The following STOX2 variants were observed in gnomAD, a reference collection of about 807,000 sequenced individuals.
STOX2 encodes the protein storkhead-box protein 2.
STOX2 carries 28 observed loss-of-function variants against 60.9 expected under a neutral mutation model. The ratio of observed to expected loss-of-function variants is 0.46; its 90% CI spans 0.34 to 0.63. STOX2 has a LOEUF of 0.63. Ranked by LOEUF, STOX2 falls within the 30% of genes least tolerant of loss-of-function variation. The probability of loss-of-function intolerance (pLI) is 0.01; values close to 1 mark genes in which losing one functional copy is unlikely to be tolerated. For synonymous variants in STOX2, 472 were observed against 463.9 expected, an observed-to-expected ratio of 1.02 and a Z score of -0.22; for missense variants, 1,024 against 1,187.7, an observed-to-expected ratio of 0.86 and a Z score of 2.03.
At chr4:183,924,060 C>G (rs545753723) in intron 1 of STOX2, among the ~76,000 whole-genome samples, 1 of 152,292 alleles carries the variant, frequency 6.6e-6, no homozygotes, top group African/African-American at 2.4e-5. Context: ...ATTTTCAAAG[C>G]TCTCGAGGTG....
chr4:183,991,939 C>A (rs898473456), intron 1 of STOX2, among the ~76,000 whole-genome samples: 1 of 152,176 alleles, frequency 6.6e-6, no homozygotes, highest in African/African-American at 2.4e-5. Flanking sequence ...GAACTGGGCT[C>A]TGAACCTAAA....
intron 1 of STOX2, among the ~76,000 whole-genome samples, chr4:183,893,660 T>C (rs1042474622): frequency 6.6e-6 from 1 of 152,190 alleles, no homozygotes; most frequent in Non-Finnish European, 1.5e-5. Flanking sequence ...ACATATAAAA[T>C]ACACTATTAT....
chr4:183,815,942 T>C (rs1190823008), intron 1 of STOX2, among the ~76,000 whole-genome samples: 3 of 152,242 alleles, frequency 2.0e-5, no homozygotes, highest in Non-Finnish European at 2.9e-5. Flanking sequence ...TGACATGAAA[T>C]GATAAAAAAT....
intron 1 of STOX2, among the ~76,000 whole-genome samples, chr4:183,847,056 C>G (rs1336583996): frequency 6.6e-6 from 1 of 152,200 alleles, no homozygotes; most frequent in Non-Finnish European, 1.5e-5. Context: ...CCTCAAACAT[C>G]TGGAACAAAA....
chr4:183,940,641 T>C (rs1271712007), intron 1 of STOX2, among the ~76,000 whole-genome samples: 1 of 152,210 alleles, frequency 6.6e-6, no homozygotes, highest in East Asian at 1.9e-4. Flanking sequence ...GCCAAGTTGA[T>C]TGATCACTTG....
At chr4:183,828,544 A>G (rs6552710) in intron 1 of STOX2, among the ~76,000 whole-genome samples, 11,239 of 152,188 alleles carry the variant, frequency 0.074, 1,338 homozygotes, top group African/African-American at 0.25. Context: ...GGGGAGGTGC[A>G]TTGAATGATG....
Position 183,801,635 on chromosome 4 carries a change from C to T in STOX2, c.364+3580C>T, listed in dbSNP as rs922144784. Among the ~76,000 whole-genome samples the T allele has an allele frequency of 5.9e-5, 9 of 152,086 alleles. No homozygotes were observed. In the East Asian group the frequency reaches 7.8e-4, roughly 13 times the overall value. ...TGTGCAGATGGAGATGGGGGTGGGG[C>T]GGGAGTTCCTGCAGAGCAGGAGAAC... On this transcript the variant is annotated intron_variant, in intron 1 of 2. Transcript: ENST00000513034.
Position 183,806,630 on chromosome 4 carries a change from G to A in STOX2, c.364+8575G>A, listed in dbSNP as rs1468734720. ...TGTGACAGCATTTCCTTCTGTCTCA[G>A]CCTCTGCCAGCGCTGTGTCAGGTGC... On this transcript the variant is annotated intron_variant, in intron 1 of 2. Coordinates refer to the STOX2 transcript ENST00000513034. The surrounding 1 kb of genome is among the most constrained non-coding windows in gnomAD (Gnocchi z 4.1). 6.6e-6 allele frequency among the ~76,000 whole-genome samples: 1 copy of A among 152,180 alleles called. No homozygotes were observed. Among genetic ancestry groups the A allele is most frequent in the Non-Finnish European group, 1.5e-5 (1 of 68,036 alleles).
chr4:183,863,370 C>T (rs1372637636), intron 1 of STOX2, among the ~76,000 whole-genome samples: 1 of 152,194 alleles, frequency 6.6e-6, no homozygotes, highest in Non-Finnish European at 1.5e-5. Context: ...GCTGAGAGAG[C>T]TGCTATAGAG....
At chr4:183,959,536 G>T (rs149168825) in intron 1 of STOX2, among the ~76,000 whole-genome samples, 1 of 152,122 alleles carries the variant, frequency 6.6e-6, no homozygotes, top group Non-Finnish European at 1.5e-5. Flanking sequence ...TCAGGTTTGC[G>T]GGCATGCTTT....
chr4:183,996,191 C>G (rs767093533), intron 1 of STOX2, among the ~76,000 whole-genome samples: 7 of 152,192 alleles, frequency 4.6e-5, no homozygotes, highest in Non-Finnish European at 8.8e-5. Context: ...CAAAAGTCCT[C>G]TGAGGACTGT....
chr4:183,997,414 C>A (rs1224627939), intron 1 of STOX2, among the ~76,000 whole-genome samples: 1 of 152,206 alleles, frequency 6.6e-6, no homozygotes, highest in Non-Finnish European at 1.5e-5. Context: ...CAGGCTCAGG[C>A]CACGTGGGCC....
At chr4:183,828,258 G>C (rs551946596) in intron 1 of STOX2, among the ~76,000 whole-genome samples, 2 of 152,214 alleles carry the variant, frequency 1.3e-5, no homozygotes, top group Non-Finnish European at 2.9e-5. Flanking sequence ...GAAACTGGCA[G>C]AGGGTGTTGG....
At chr4:183,971,164 C>A (rs1290830911) in intron 1 of STOX2, among the ~76,000 whole-genome samples, 1 of 152,146 alleles carries the variant, frequency 6.6e-6, no homozygotes, top group African/African-American at 2.4e-5. Flanking sequence ...TGATACTCGT[C>A]TAAGGACCAC....
At chr4:183,830,863 G>A (rs1424467580) in intron 1 of STOX2, among the ~76,000 whole-genome samples, 2 of 151,454 alleles carry the variant, frequency 1.3e-5, no homozygotes, top group African/African-American at 4.9e-5. Flanking sequence ...TGTGCAAAAC[G>A]TTTTCAGAGG....
intron 1 of STOX2, among the ~76,000 whole-genome samples, chr4:183,958,921 A>G (rs971423464): frequency 6.6e-6 from 1 of 152,084 alleles, no homozygotes; most frequent in Non-Finnish European, 1.5e-5. Flanking sequence ...GCAGTTCTGG[A>G]GAGAATAGGC....
At position 184,009,285 on chromosome 4, in the gene STOX2, C is replaced by T. The variant is rs1021224147; in HGVS notation, c.447C>T (p.Ser149=). ...VTPQTYFITP[S]LIRTNSKWYH... is the part of the protein sequence containing the mutation. ...CACAGACTTATTTCATAACTCCTTC[C>T]CTCATAAGAACTAACAGTAAATGGT... is the stretch of plus-strand genomic sequence containing the variant. Residue 149 remains serine, a synonymous_variant, in exon 3 of 4, where the codon TCC becomes TCT. Transcript: ENST00000308497. This position sits in a 1 kb window ranked among gnomAD's most constrained non-coding sequence, Gnocchi z 4.0. 3 of 1,613,926 alleles carry T rather than the reference C, an allele frequency of 1.9e-6. No homozygotes were observed. The highest frequency in any genetic ancestry group is 3.3e-4 in the Middle Eastern group (2 of 6,062).
At chr4:183,954,166 C>T (rs1002771277) in intron 1 of STOX2, among the ~76,000 whole-genome samples, 1 of 152,216 alleles carries the variant, frequency 6.6e-6, no homozygotes, top group African/African-American at 2.4e-5. Context: ...ACATCCACTG[C>T]ACCGTGGAGC....
intron 1 of STOX2, among the ~76,000 whole-genome samples, chr4:183,840,846 C>CG (rs762990407): frequency 2.6e-5 from 4 of 152,096 alleles, no homozygotes; most frequent in Non-Finnish European, 4.4e-5. Context: ...TGTGGATCTG[C>CG]GGGAGAGAGT....
Sources: allele counts gnomAD v4.1 joint callset (sites outside exome capture counted in the v4.1 genomes callset), GRCh38; gene constraint gnomAD v4.1.1; non-coding constraint Gnocchi (gnomAD v3.1); transcripts MANE v1.5; gene names NCBI Gene and HGNC (gene_info 2026-07-23, HGNC 2026-07-21).